The following ACTL6A variants were observed in gnomAD, a reference collection of about 807,000 sequenced individuals.
ACTL6A encodes actin-like protein 6A.
ACTL6A carries 5 observed loss-of-function variants against 59.2 expected under a neutral mutation model. The observed-to-expected ratio is 0.08, with a 90% confidence interval of 0.04 to 0.18. The LOEUF (loss-of-function observed/expected upper bound fraction) is 0.18. ACTL6A is among the 10% of genes least tolerant of loss of function. The pLI is 1.00. For missense variants in ACTL6A, 285 were observed against 526.9 expected, an observed-to-expected ratio of 0.54 and a Z score of 4.49; for synonymous variants, 154 against 171.8, an observed-to-expected ratio of 0.90 and a Z score of 0.81.
At chr3:179,586,708 C>T in intron 13 of ACTL6A, 76 bp downstream of exon 13, 1 of 1,189,210 alleles carries the variant, frequency 8.4e-7, no homozygotes, top group Non-Finnish European at 1.2e-6. Context: ...AAAAATAATT[C>T]CAGTGCTTCA....
In ACTL6A at chr3:179,576,842, T is replaced by A. The variant is rs997708202; in HGVS notation, c.697T>A (p.Ser233Thr). 1 of 1,613,958 alleles carries A rather than the reference T, an allele frequency of 6.2e-7. No homozygotes were observed. Among genetic ancestry groups the A allele is most frequent in the Non-Finnish European group, 8.5e-7 (1 of 1,179,962 alleles). The change falls in exon 8 of 14, where the codon TCT becomes ACT. Residue 233 changes from serine to threonine, a missense_variant. Physicochemically the swap from Ser to Thr is moderately conservative, Grantham distance 58. Transcript: ENST00000429709. Reference sequence around the variant, plus strand: ...CTCTCAGGAAGCTGTTCGTGAAGGATCTCCAGCAAACTGGAAAAGAAAAGA... The same window carrying A: ...CTCTCAGGAAGCTGTTCGTGAAGGAACTCCAGCAAACTGGAAAAGAAAAGA... Reference protein sequence around the residue: ...IASKEAVREGSPANWKRKEKL... With the variant: ...IASKEAVREGTPANWKRKEKL...
chr3:179,579,813 C>G (rs1718281201), intron 8 of ACTL6A, among the ~76,000 whole-genome samples: 1 of 152,116 alleles, frequency 6.6e-6, no homozygotes, highest in Non-Finnish European at 1.5e-5. Context: ...GACAGGGTCT[C>G]TCTCTGTCAC....
chr3:179,564,297 T>A (rs994965486), intron 1 of ACTL6A, among the ~76,000 whole-genome samples: 1 of 152,230 alleles, frequency 6.6e-6, no homozygotes, highest in Non-Finnish European at 1.5e-5. Context: ...GATGTCATTT[T>A]ACAGGTAGGA....
At chr3:179,584,733 C>A (rs1044944826) in intron 12 of ACTL6A, among the ~76,000 whole-genome samples, 1 of 151,882 alleles carries the variant, frequency 6.6e-6, no homozygotes, top group Non-Finnish European at 1.5e-5. Flanking sequence ...TGCAGTAAGC[C>A]GAGATCATGC....
At position 179,583,371 on chromosome 3, in the gene ACTL6A, A is replaced by G. The variant is rs2108369648; in HGVS notation, c.1045A>G (p.Ile349Val). 1 of 1,613,052 alleles carries G rather than the reference A, an allele frequency of 6.2e-7. No individual in the cohort carries two copies. The highest frequency in any genetic ancestry group is 8.5e-7 in the Non-Finnish European group (1 of 1,179,408). ...ATCCTAGGGTCTCTATGGCAGTGTA[A>G]TAGTGGCAGGAGGAAACACACTAAT... ...DIRPGLYGSV[I>V]VAGGNTLIQS... Residue 349 changes from isoleucine (I) to valine (V), a missense_variant, in exon 12 of 14, where the codon ATA (isoleucine) becomes GTA (valine). Ile to Val is a conservative substitution (Grantham distance 29, BLOSUM62 3). Transcript: ENST00000429709.
chr3:179,567,242 T>G (rs1717864350), intron 1 of ACTL6A, among the ~76,000 whole-genome samples: 1 of 152,142 alleles, frequency 6.6e-6, no homozygotes, highest in Non-Finnish European at 1.5e-5. Flanking sequence ...GGCCAGCAGA[T>G]GTAATCCCAG....
intron 6 of ACTL6A, 70 bp from the exon 7 acceptor site, chr3:179,576,550 C>T: frequency 2.5e-6 from 3 of 1,191,490 alleles, no homozygotes; most frequent in Middle Eastern, 2.0e-4. Context: ...ATAAATACAC[C>T]CACAGAGGAA....
chr3:179,565,775 A>G (rs1194808691), intron 1 of ACTL6A, among the ~76,000 whole-genome samples: 1 of 152,198 alleles, frequency 6.6e-6, no homozygotes, highest in Non-Finnish European at 1.5e-5. Context: ...TTTAAATTTT[A>G]TCAAATACAG....
intron 12 of ACTL6A, chr3:179,583,721 G>A: frequency 4.1e-6 from 1 of 245,818 alleles, no homozygotes; most frequent in South Asian, 5.9e-5. Context: ...CTACTAGGAT[G>A]GTTAGACATG....
At chr3:179,577,014 C>T in intron 8 of ACTL6A, 101 bp downstream of exon 8, 2 of 759,680 alleles carry the variant, frequency 2.6e-6, no homozygotes, top group Non-Finnish European at 4.1e-6. Context: ...AAAATATGGG[C>T]ACTTTATATT....
intron 11 of ACTL6A, among the ~76,000 whole-genome samples, chr3:179,581,750 G>T (rs1313778975): frequency 6.6e-6 from 1 of 152,122 alleles, no homozygotes; most frequent in Non-Finnish European, 1.5e-5. Flanking sequence ...GCTTTGTCAG[G>T]TTTTAAATAC....
At chr3:179,581,059 A>C (rs1478266623) in intron 10 of ACTL6A, 51 bp downstream of exon 10, 1 of 1,596,632 alleles carries the variant, frequency 6.3e-7, no homozygotes. Flanking sequence ...ATAGGTAAAG[A>C]GCTTTTGTGG....
intron 4 of ACTL6A, among the ~76,000 whole-genome samples, 177 bp from the exon 5 acceptor site, chr3:179,574,189 GAAAT>G (rs1248604433): frequency 1.3e-5 from 2 of 151,652 alleles, no homozygotes; most frequent in Non-Finnish European, 2.9e-5. Context: ...TACATCTAAA[GAAAT>G]AAATATTATA....
At chr3:179,587,561 T>C (rs375691970) in intron 13 of ACTL6A, among the ~76,000 whole-genome samples, 1 of 151,842 alleles carries the variant, frequency 6.6e-6, no homozygotes, top group Non-Finnish European at 1.5e-5. Flanking sequence ...ATTCAAAGTT[T>C]AGGAGTTACG....
intron 5 of ACTL6A, 90 bp downstream of exon 5, chr3:179,574,557 T>A (rs1321415377): frequency 6.4e-6 from 6 of 944,112 alleles, no homozygotes; most frequent in Non-Finnish European, 1.7e-6. Flanking sequence ...CGCCAATTAT[T>A]GCTTGTTCCG....
chr3:179,564,184 T>C (rs1717762153), intron 1 of ACTL6A, among the ~76,000 whole-genome samples: 1 of 152,168 alleles, frequency 6.6e-6, no homozygotes, highest in Non-Finnish European at 1.5e-5. Flanking sequence ...CTGATACATA[T>C]AATTCATGTG....
chr3:179,563,250 TCCCCGC>T (rs1717722332), intron 1 of ACTL6A, 133 bp downstream of exon 1: 1 of 1,362,040 alleles, frequency 7.3e-7, no homozygotes, highest in Non-Finnish European at 9.7e-7. Flanking sequence ...CCCCGCCCCG[TCCCCGC>T]CCCACGCTCT....
chr3:179,574,565 C>T (rs1037010377), intron 5 of ACTL6A, 98 bp downstream of exon 5: 4 of 901,508 alleles, frequency 4.4e-6, no homozygotes, highest in Non-Finnish European at 7.1e-6. Flanking sequence ...ATTGCTTGTT[C>T]CGAAGTTGTT....
rs1017630187 is a variant in ACTL6A at position 179,562,958 on chromosome 3, C to A, written c.-135C>A. ...GCTGAGCTCCGGGGTGTGTGGACGC[C>A]GCTTTGTTGCCTGAGGTGGGTGGCG... On this transcript the variant is annotated 5_prime_UTR_variant, in exon 1 of 14. Transcript: ENST00000429709. 25 of 1,199,714 alleles carry A rather than the reference C, an allele frequency of 2.1e-5. No individual in the cohort carries two copies. The highest frequency in any genetic ancestry group is 1.7e-4 in the South Asian group (13 of 77,004). 74.3% of individuals were successfully genotyped at this position (1,199,714 alleles called of 1,614,324 possible).
Sources: gnomAD v4.1 joint callset for allele counts (sites outside exome capture counted in the v4.1 genomes callset) on GRCh38, gnomAD v4.1.1 for gene constraint, MANE v1.5 for transcripts, NCBI Gene and HGNC (gene_info 2026-07-23, HGNC 2026-07-21) for gene names.